TEAD4: variants seen among roughly 807,000 people sequenced by gnomAD.
The protein encoded by TEAD4 is transcriptional enhancer factor TEF-3.
TEAD4 carries 36 observed loss-of-function variants against 52.4 expected under a neutral mutation model. That is an observed-to-expected ratio of 0.69 (90% CI 0.53 to 0.91). The LOEUF (loss-of-function observed/expected upper bound fraction) is 0.91. TEAD4 is among the 40% of genes least tolerant of loss of function. The probability of loss-of-function intolerance (pLI) is 0.00; values close to 1 mark genes in which losing one functional copy is unlikely to be tolerated. For synonymous variants in TEAD4, 220 were observed against 231.0 expected, an observed-to-expected ratio of 0.95 and a Z score of 0.43; for missense variants, 508 against 583.9, an observed-to-expected ratio of 0.87 and a Z score of 1.34.
intron 2 of TEAD4, among the ~76,000 whole-genome samples, chr12:2,968,053 A>G (rs10848757): frequency 6.7e-6 from 1 of 148,304 alleles, no homozygotes; most frequent in East Asian, 2.0e-4. Flanking sequence ...CTCTACCCCC[A>G]ACCAGTGATC....
At chr12:3,017,088 G>T (rs757757758) in intron 5 of TEAD4, 1 of 516,658 alleles carries the variant, frequency 1.9e-6, no homozygotes, top group South Asian at 1.5e-5. Context: ...GGCACCTGTG[G>T]TAGAGAGGTG....
chr12:2,962,305 T>C (rs2098216164), intron 2 of TEAD4, among the ~76,000 whole-genome samples: 1 of 117,936 alleles, frequency 8.5e-6, no homozygotes. Context: ...TATATAAATA[T>C]AAATATATAA....
intron 2 of TEAD4, among the ~76,000 whole-genome samples, chr12:2,993,090 GT>G (rs2098244438): frequency 6.6e-6 from 1 of 152,176 alleles, no homozygotes; most frequent in Non-Finnish European, 1.5e-5. Context: ...TTGTATATGC[GT>G]TTTTAAAAAT....
intron 2 of TEAD4, among the ~76,000 whole-genome samples, chr12:2,962,884 G>A (rs1207807533): frequency 2.0e-5 from 3 of 152,164 alleles, no homozygotes; most frequent in East Asian, 3.9e-4. Flanking sequence ...TCCCCTTGGC[G>A]TTCTGTCTCC....
intron 10 of TEAD4, among the ~76,000 whole-genome samples, chr12:3,031,593 C>G (rs1333931524): frequency 1.3e-5 from 2 of 152,202 alleles, no homozygotes; most frequent in Admixed American, 1.3e-4. Flanking sequence ...TGACCTCTGT[C>G]CTGTGGGCAC....
intron 3 of TEAD4, among the ~76,000 whole-genome samples, chr12:3,009,647 C>T (rs11062456): frequency 0.031 from 4,682 of 152,274 alleles, 294 homozygotes; most frequent in East Asian, 0.19. Context: ...TGGGGTAGAA[C>T]TGTCGACCGT....
intron 4 of TEAD4, among the ~76,000 whole-genome samples, 173 bp from the exon 5 acceptor site, chr12:3,011,997 T>C (rs2098260706): frequency 6.6e-6 from 1 of 152,208 alleles, no homozygotes; most frequent in Non-Finnish European, 1.5e-5. Context: ...TGCCGGTTTC[T>C]GGATTAGCTG....
intron 2 of TEAD4, among the ~76,000 whole-genome samples, chr12:2,962,680 T>G (rs1008228257): frequency 2.0e-5 from 3 of 151,874 alleles, no homozygotes; most frequent in Admixed American, 6.6e-5. Context: ...ATGTTTGCCA[T>G]GCTGGTCTTG....
At chr12:3,039,230 G>A (rs1420753498) in intron 11 of TEAD4, among the ~76,000 whole-genome samples, 2 of 152,146 alleles carry the variant, frequency 1.3e-5, no homozygotes, top group East Asian at 3.9e-4. Flanking sequence ...GTAGAGTCCA[G>A]GCATTAGTGG....
intron 2 of TEAD4, among the ~76,000 whole-genome samples, chr12:2,977,337 C>T (rs2098230607): frequency 6.6e-6 from 1 of 152,186 alleles, no homozygotes; most frequent in Non-Finnish European, 1.5e-5. Flanking sequence ...TCCCTTTCCC[C>T]CTTCCCTTCT....
intron 3 of TEAD4, among the ~76,000 whole-genome samples, chr12:3,003,731 G>A (rs7296843): frequency 0.049 from 7,426 of 152,210 alleles, 619 homozygotes; most frequent in African/African-American, 0.17. Flanking sequence ...TGGCAGGGGT[G>A]TCCTTCCCAT....
intron 5 of TEAD4, chr12:3,017,106 C>T (rs941335591): frequency 1.5e-5 from 8 of 546,204 alleles, no homozygotes; most frequent in Admixed American, 2.2e-5. Context: ...GTGAGCAAGG[C>T]ATAGAAGGTG....
intron 10 of TEAD4, 88 bp from the exon 11 acceptor site, chr12:3,037,880 C>T (rs559933614): frequency 6.6e-5 from 98 of 1,486,114 alleles, no homozygotes; most frequent in Middle Eastern, 3.6e-4. Flanking sequence ...GCCCTAGAGC[C>T]GGGACCGGGA....
intron 2 of TEAD4, among the ~76,000 whole-genome samples, chr12:2,975,725 C>A (rs186819889): frequency 8.1e-4 from 123 of 152,156 alleles, no homozygotes; most frequent in Non-Finnish European, 1.1e-3. Context: ...ATTAGGGTCC[C>A]TTCTTGGTGT....
At chr12:2,996,785 G>A (rs997773165) in intron 3 of TEAD4, among the ~76,000 whole-genome samples, 3 of 152,008 alleles carry the variant, frequency 2.0e-5, no homozygotes, top group Admixed American at 1.3e-4. Flanking sequence ...GAGCAATCTC[G>A]GCTCACTGCA....
chr12:2,970,053 C>G (rs948888939), intron 2 of TEAD4, among the ~76,000 whole-genome samples: 1 of 151,966 alleles, frequency 6.6e-6, no homozygotes, highest in Non-Finnish European at 1.5e-5. Context: ...TAGCGAGAAC[C>G]CTGCCTCTAA....
At chr12:2,984,935 T>C (rs996556854) in intron 2 of TEAD4, among the ~76,000 whole-genome samples, 5 of 152,190 alleles carry the variant, frequency 3.3e-5, no homozygotes, top group Admixed American at 6.5e-5. Context: ...TGTACACTAC[T>C]CTACACTAGG....
At chr12:3,019,054 G>A (rs1451940921) in intron 7 of TEAD4, 61 bp from the exon 8 acceptor site, 2 of 1,594,582 alleles carry the variant, frequency 1.3e-6, no homozygotes, top group Non-Finnish European at 8.6e-7. Flanking sequence ...TGGACCCAGT[G>A]CAGGGATCCG....
At chr12:2,971,481 CTTAT>C (rs894256118) in intron 2 of TEAD4, among the ~76,000 whole-genome samples, 1 of 151,236 alleles carries the variant, frequency 6.6e-6, no homozygotes, top group Non-Finnish European at 1.5e-5. Flanking sequence ...TTTATTTTAT[CTTAT>C]TTATTTTTTT....
Sources: allele counts gnomAD v4.1 joint callset (sites outside exome capture counted in the v4.1 genomes callset), GRCh38; gene constraint gnomAD v4.1.1; transcripts MANE v1.5; gene names NCBI Gene and HGNC (gene_info 2026-07-23, HGNC 2026-07-21).